The following SEPTIN7 variants were observed in gnomAD, a reference collection of about 807,000 sequenced individuals.
The protein encoded by SEPTIN7 is septin 7, also known as septin-7.
Under a neutral mutation model 63.3 loss-of-function variants are expected in SEPTIN7, and 10 were observed. The observed-to-expected ratio is 0.16, with a 90% CI of 0.10 to 0.27. The LOEUF is 0.27. SEPTIN7 is among the 10% of genes least tolerant of loss of function. The pLI, the probability that SEPTIN7 is intolerant of heterozygous loss-of-function variation, is 1.00. For missense variants in SEPTIN7, 310 were observed against 521.0 expected, an observed-to-expected ratio of 0.59 and a Z score of 3.94; for synonymous variants, 131 against 165.3, an observed-to-expected ratio of 0.79 and a Z score of 1.59.
Position 35,803,083 on chromosome 7 carries a change from A to C in SEPTIN7, c.61+1813A>C, listed in dbSNP as rs534692204. 17 of 686,620 alleles carry C rather than the reference A, an allele frequency of 2.5e-5. No individual in the cohort carries two copies. In the South Asian group the frequency reaches 9.8e-4, roughly 40 times the overall value. The allele number at this position is 686,620 out of a possible 1,614,324, so 42.5% of individuals were successfully genotyped here. ...TTCACAACAAATAACAGAAATGTTAAGTTGATTTTAATTAGTTCTTATCCT... is the reference window on the plus strand; with the variant it reads ...TTCACAACAAATAACAGAAATGTTACGTTGATTTTAATTAGTTCTTATCCT... On this transcript the variant is annotated intron_variant, in intron 1 of 13. Coordinates refer to ENST00000350320, the MANE Select transcript of SEPTIN7 (RefSeq NM_001788.6).
intron 7 of SEPTIN7, among the ~76,000 whole-genome samples, chr7:35,880,649 G>C (rs953089727): frequency 2.1e-4 from 32 of 151,604 alleles, no homozygotes; most frequent in African/African-American, 7.3e-4. Flanking sequence ...TATTTTTTCT[G>C]TTTTCTCTTT....
chr7:35,913,779 A>G, the SEPTIN7 span, among the ~76,000 whole-genome samples: 1 of 152,114 alleles, frequency 6.6e-6, no homozygotes, highest in Non-Finnish European at 1.5e-5. Flanking sequence ...TTGTAGTAAC[A>G]GGATTTCACC....
At chr7:35,878,962 T>C (rs1202653218) in intron 6 of SEPTIN7, among the ~76,000 whole-genome samples, 3 of 152,188 alleles carry the variant, frequency 2.0e-5, no homozygotes, top group African/African-American at 7.2e-5. Context: ...ATAATTGTAC[T>C]GAATGTAGAG....
At chr7:35,802,752 C>T (rs1788075178) in intron 1 of SEPTIN7, among the ~76,000 whole-genome samples, 1 of 150,724 alleles carries the variant, frequency 6.6e-6, no homozygotes, top group Non-Finnish European at 1.5e-5. Context: ...GCTATTGCTG[C>T]TTGGATTCTT....
intron 3 of SEPTIN7, among the ~76,000 whole-genome samples, chr7:35,861,521 G>A (rs546175234): frequency 4.9e-4 from 74 of 152,302 alleles, no homozygotes; most frequent in South Asian, 2.3e-3. Context: ...CTGAGCATTT[G>A]TGTTGCCTAG....
intron 12 of SEPTIN7, chr7:35,901,234 A>T (rs527657650): frequency 6.6e-6 from 1 of 152,142 alleles, no homozygotes; most frequent in African/African-American, 2.4e-5. Flanking sequence ...TCCTTTATAG[A>T]TAAGAAGGAT....
chr7:35,823,491 G>A lies in SEPTIN7; in HGVS notation c.62-8001G>A, dbSNP rs574875662. On this transcript the variant is annotated intron_variant, in intron 1 of 13. Transcript: ENST00000350320. ...ACTGGGATTACAGGCATGAGCCACC[G>A]TGCCCAGCAACTTATTTTTTTACTG... Among the ~76,000 whole-genome samples the A allele has an allele frequency of 1.1e-4, 17 of 152,256 alleles. No individual in the cohort carries two copies. In the South Asian group the frequency reaches 3.5e-3, roughly 32 times the overall value.
At chr7:35,844,974 A>G (rs1317799591) in intron 3 of SEPTIN7, among the ~76,000 whole-genome samples, 1 of 152,200 alleles carries the variant, frequency 6.6e-6, no homozygotes, top group Middle Eastern at 3.2e-3. Context: ...GTGTAATCCC[A>G]GCACTTTGGA....
chr7:35,816,285 A>G (rs1789057857), intron 1 of SEPTIN7, among the ~76,000 whole-genome samples: 1 of 152,112 alleles, frequency 6.6e-6, no homozygotes, highest in South Asian at 2.1e-4. Flanking sequence ...TTCCGTTTCT[A>G]TGGATTTGTC....
At chr7:35,829,303 C>T (rs2115862148) in intron 1 of SEPTIN7, among the ~76,000 whole-genome samples, 2 of 151,830 alleles carry the variant, frequency 1.3e-5, no homozygotes, top group South Asian at 4.2e-4. Flanking sequence ...TCAGTCCCGG[C>T]TAATTTTTTG....
chr7:35,853,297 G>A (rs1583566683), intron 3 of SEPTIN7, among the ~76,000 whole-genome samples: 2 of 152,112 alleles, frequency 1.3e-5, no homozygotes, highest in African/African-American at 4.8e-5. Flanking sequence ...GTGGTGGCAT[G>A]CACCTGTAGT....
chr7:35,812,842 A>AT (rs1788814624), intron 1 of SEPTIN7, among the ~76,000 whole-genome samples: 1 of 152,218 alleles, frequency 6.6e-6, no homozygotes, highest in Non-Finnish European at 1.5e-5. Flanking sequence ...TCTATTATTT[A>AT]TAGTATTGGC....
At chr7:35,889,890 G>C (rs539211933) in intron 10 of SEPTIN7, among the ~76,000 whole-genome samples, 237 of 152,230 alleles carry the variant, frequency 1.6e-3, no homozygotes, top group Middle Eastern at 6.8e-3. Flanking sequence ...TTTTAGTAAA[G>C]TGGTGAAGAT....
the SEPTIN7 span, among the ~76,000 whole-genome samples, chr7:35,913,870 A>G: frequency 8.5e-5 from 13 of 152,174 alleles, no homozygotes; most frequent in African/African-American, 2.2e-4. Flanking sequence ...GATTACAGGC[A>G]TGAGCCACTG....
intron 1 of SEPTIN7, among the ~76,000 whole-genome samples, chr7:35,811,607 A>G (rs1475998991): frequency 6.6e-6 from 1 of 152,186 alleles, no homozygotes; most frequent in African/African-American, 2.4e-5. Flanking sequence ...AGAGGCGGGC[A>G]TGGTGGCAGT....
chr7:35,878,301 G>C (rs1786603579), intron 6 of SEPTIN7, among the ~76,000 whole-genome samples: 1 of 151,808 alleles, frequency 6.6e-6, no homozygotes, highest in East Asian at 1.9e-4. Flanking sequence ...ATGGAGGAGG[G>C]TGTTCCAGCT....
intron 8 of SEPTIN7, 88 bp from the exon 9 acceptor site, chr7:35,883,803 C>A: frequency 1.8e-6 from 1 of 546,526 alleles, no homozygotes; most frequent in Non-Finnish European, 2.9e-6. Flanking sequence ...TTTTTTTTGG[C>A]TAACCTGTTG....
At chr7:35,850,921 T>A (rs1784924924) in intron 3 of SEPTIN7, among the ~76,000 whole-genome samples, 1 of 152,188 alleles carries the variant, frequency 6.6e-6, no homozygotes, top group Non-Finnish European at 1.5e-5. Flanking sequence ...GAAGTTGAGA[T>A]GCTGAGTAAA....
chr7:35,832,655 T>G (rs1370583535), intron 2 of SEPTIN7, 143 bp from the exon 3 acceptor site: 1 of 655,078 alleles, frequency 1.5e-6, no homozygotes, highest in Non-Finnish European at 2.9e-6. Context: ...ATTGATAGTT[T>G]TATTGATAAT....
Sources: allele counts gnomAD v4.1 joint callset (sites outside exome capture counted in the v4.1 genomes callset), GRCh38; gene constraint gnomAD v4.1.1; transcripts MANE v1.5; gene names NCBI Gene and HGNC (gene_info 2026-07-23, HGNC 2026-07-21).